ST6GALNAC3: variants seen among roughly 807,000 people sequenced by gnomAD.
ST6GALNAC3 encodes alpha-N-acetylgalactosaminide alpha-2,6-sialyltransferase 3.
A neutral mutation model predicts 32.7 loss-of-function variants in ST6GALNAC3; 25 were observed. That is an observed-to-expected ratio of 0.76 (90% CI 0.56 to 1.07). The LOEUF is 1.07. ST6GALNAC3 is among the 50% of genes least tolerant of loss of function. The pLI is 0.00. For synonymous variants in ST6GALNAC3, 129 were observed against 133.1 expected, an observed-to-expected ratio of 0.97 and a Z score of 0.21; for missense variants, 355 against 382.4, an observed-to-expected ratio of 0.93 and a Z score of 0.60.
At chr1:76,187,848 C>G (rs1308180978) in intron 1 of ST6GALNAC3, among the ~76,000 whole-genome samples, 4 of 152,184 alleles carry the variant, frequency 2.6e-5, no homozygotes, top group Non-Finnish European at 5.9e-5. Context: ...AACTTCCGGT[C>G]ACCATGTCCG....
chr1:76,445,782 A>G (rs766685974), intron 3 of ST6GALNAC3, among the ~76,000 whole-genome samples: 1 of 152,180 alleles, frequency 6.6e-6, no homozygotes, highest in Non-Finnish European at 1.5e-5. Context: ...TAATGCATGC[A>G]TGTACTTAAA....
In ST6GALNAC3 at chr1:76,272,570, A is replaced by T. The variant is rs113997218; in HGVS notation, c.19-41235A>T. Among the ~76,000 whole-genome samples, 843 of 152,294 alleles carry T rather than the reference A, an allele frequency of 5.5e-3. 15 individuals carry two copies. The highest frequency in any genetic ancestry group is 0.019 in the African/African-American group (805 of 41,556). ...CATTCCATCTGTACTCGAACCATGA[A>T]CAGCTTTTCCTCCTTGGTGCTGCTC... On this transcript the variant is annotated intron_variant, in intron 1 of 4. Transcript: ENST00000328299.
At chr1:76,205,796 A>G (rs1446696048) in intron 1 of ST6GALNAC3, among the ~76,000 whole-genome samples, 1 of 152,038 alleles carries the variant, frequency 6.6e-6, no homozygotes, top group Non-Finnish European at 1.5e-5. Flanking sequence ...GGCAGTAAGT[A>G]CTAAATCTAT....
intron 1 of ST6GALNAC3, among the ~76,000 whole-genome samples, chr1:76,090,500 T>C (rs1055550608): frequency 1.8e-4 from 28 of 152,234 alleles, no homozygotes; most frequent in Non-Finnish European, 3.2e-4. Flanking sequence ...CTCTTTTATC[T>C]GTTCTTGGCA....
At chr1:76,080,192 G>C (rs1646873651) in intron 1 of ST6GALNAC3, among the ~76,000 whole-genome samples, 1 of 152,174 alleles carries the variant, frequency 6.6e-6, no homozygotes, top group Admixed American at 6.5e-5. Context: ...GAATGTAAAA[G>C]GCAGAAAAGG....
chr1:76,148,819 C>T (rs1307913450), intron 1 of ST6GALNAC3, among the ~76,000 whole-genome samples: 1 of 152,142 alleles, frequency 6.6e-6, no homozygotes, highest in Non-Finnish European at 1.5e-5. Flanking sequence ...TGTATCACCA[C>T]CTGAAACTTG....
chr1:76,104,369 G>A (rs1451542075), intron 1 of ST6GALNAC3, among the ~76,000 whole-genome samples: 2 of 152,190 alleles, frequency 1.3e-5, no homozygotes, highest in Non-Finnish European at 1.5e-5. Flanking sequence ...GCTTGAAGAT[G>A]ATCCATAGAC....
chr1:76,189,891 C>T (rs907044304), intron 1 of ST6GALNAC3, among the ~76,000 whole-genome samples: 4 of 151,968 alleles, frequency 2.6e-5, no homozygotes, highest in Non-Finnish European at 4.4e-5. Flanking sequence ...AAGTGGGGAC[C>T]GAAATTCTAA....
chr1:76,288,731 G>A (rs536167282), intron 1 of ST6GALNAC3, among the ~76,000 whole-genome samples: 30 of 152,250 alleles, frequency 2.0e-4, no homozygotes, highest in East Asian at 1.9e-4. Context: ...TGAATAGAGA[G>A]AAGAACATGC....
intron 3 of ST6GALNAC3, among the ~76,000 whole-genome samples, chr1:76,457,866 A>C (rs1486616538): frequency 6.6e-6 from 1 of 150,552 alleles, no homozygotes. Flanking sequence ...ATGGCAACAA[A>C]AGCCAAAATT....
chr1:76,191,322 A>G (rs1324433912), intron 1 of ST6GALNAC3, among the ~76,000 whole-genome samples: 1 of 152,128 alleles, frequency 6.6e-6, no homozygotes, highest in African/African-American at 2.4e-5. Flanking sequence ...TTGATATCAT[A>G]GAAACAAACC....
chr1:76,302,421 A>G (rs1024808402), intron 1 of ST6GALNAC3, among the ~76,000 whole-genome samples: 5 of 151,922 alleles, frequency 3.3e-5, no homozygotes, highest in African/African-American at 1.2e-4. Context: ...TTCTGAATGG[A>G]AGCTTTCTTT....
intron 2 of ST6GALNAC3, among the ~76,000 whole-genome samples, chr1:76,346,212 TG>T (rs1648498853): frequency 6.6e-6 from 1 of 152,184 alleles, no homozygotes; most frequent in South Asian, 2.1e-4. Flanking sequence ...GCCTCGAAGG[TG>T]GATACTGTTT....
At chr1:76,187,348 G>A (rs1214626547) in intron 1 of ST6GALNAC3, among the ~76,000 whole-genome samples, 3 of 152,256 alleles carry the variant, frequency 2.0e-5, no homozygotes, top group Middle Eastern at 3.4e-3. Context: ...AAGGTAGGCT[G>A]TGGTATATAT....
At chr1:76,486,020 G>A (rs1300965889) in intron 3 of ST6GALNAC3, among the ~76,000 whole-genome samples, 1 of 152,184 alleles carries the variant, frequency 6.6e-6, no homozygotes, top group African/African-American at 2.4e-5. Context: ...CAGTTTCCAT[G>A]TAGTTGAGCA....
chr1:76,161,467 G>A (rs958264258), intron 1 of ST6GALNAC3, among the ~76,000 whole-genome samples: 1 of 152,154 alleles, frequency 6.6e-6, no homozygotes, highest in Non-Finnish European at 1.5e-5. Context: ...CCTTCATCAA[G>A]AGCTGCAGAA....
intron 3 of ST6GALNAC3, among the ~76,000 whole-genome samples, chr1:76,461,718 G>T (rs1361052054): frequency 6.6e-6 from 1 of 152,156 alleles, no homozygotes; most frequent in African/African-American, 2.4e-5. Flanking sequence ...GACAGTAAGT[G>T]TTGTAGTGGC....
intron 1 of ST6GALNAC3, among the ~76,000 whole-genome samples, chr1:76,265,888 C>G (rs1323435580): frequency 6.6e-6 from 1 of 152,152 alleles, no homozygotes; most frequent in Non-Finnish European, 1.5e-5. Context: ...CTCATTCCCG[C>G]TCCCTAAGGA....
intron 3 of ST6GALNAC3, among the ~76,000 whole-genome samples, chr1:76,470,849 T>C (rs1347852154): frequency 2.6e-5 from 4 of 151,962 alleles, no homozygotes; most frequent in African/African-American, 4.8e-5. Context: ...TATGCTGAGG[T>C]GATTTTACCA....
Sources: gnomAD v4.1 joint callset for allele counts (sites outside exome capture counted in the v4.1 genomes callset) on GRCh38, gnomAD v4.1.1 for gene constraint, MANE v1.5 for transcripts, NCBI Gene and HGNC (gene_info 2026-07-23, HGNC 2026-07-21) for gene names.